FHDC1: variants seen among roughly 807,000 people sequenced by gnomAD.
FHDC1 encodes FH2 domain-containing protein 1.
FHDC1 carries 25 observed loss-of-function variants against 52.6 expected under a neutral mutation model. The ratio of observed to expected loss-of-function variants is 0.48; its 90% CI spans 0.35 to 0.66. The LOEUF (loss-of-function observed/expected upper bound fraction) is 0.66, where lower values mean the gene tolerates loss of function less well. Among genes scored for constraint, FHDC1 ranks in the 30% least tolerant of loss-of-function variants. The probability of loss-of-function intolerance (pLI) is 0.01; values close to 1 mark genes in which losing one functional copy is unlikely to be tolerated. For synonymous variants in FHDC1, 616 were observed against 581.5 expected, an observed-to-expected ratio of 1.06 and a Z score of -0.85; for missense variants, 1,459 against 1,452.8, an observed-to-expected ratio of 1.00 and a Z score of -0.07.
intron 9 of FHDC1, 118 bp downstream of exon 9, chr4:152,965,093 A>G: frequency 2.1e-6 from 2 of 950,266 alleles, no homozygotes; most frequent in South Asian, 3.5e-5. Flanking sequence ...TTGAACTTTC[A>G]GACTGTCCTT....
At position 152,943,332 on chromosome 4, in the gene FHDC1, G is replaced by A. The variant is rs776800177; in HGVS notation, c.275G>A (p.Gly92Asp). 1 of 1,612,902 alleles carries A rather than the reference G, an allele frequency of 6.2e-7. No individual in the cohort carries two copies. Among genetic ancestry groups the A allele is most frequent in the Admixed American group, 1.7e-5 (1 of 59,818 alleles). Residue 92 changes from glycine to aspartate, a missense_variant, in exon 2 of 12, where the codon GGT (glycine) becomes GAT (aspartate). Physicochemically the swap from Gly to Asp is moderately conservative, Grantham distance 94 (BLOSUM62 -1). This residue lies in a region of FHDC1 where 513 missense variants were observed against 581.5 expected (regional missense o/e 0.88). Transcript: ENST00000511601. ...CACATGAACGGCTACAGCCACCTTG[G>A]TAAGAAAAAGCGGATGAGAAGCTTT... Reference protein sequence around the residue: ...TTHMNGYSHLGKKKRMRSFFW... With the variant: ...TTHMNGYSHLDKKKRMRSFFW...
intron 2 of FHDC1, 36 bp from the exon 3 acceptor site, chr4:152,953,462 AT>A: frequency 6.5e-7 from 1 of 1,535,456 alleles, no homozygotes; most frequent in Non-Finnish European, 8.9e-7. Flanking sequence ...TTTTATTTGA[AT>A]TTAGTAATCC....
At chr4:152,938,685 C>CCGG (rs1164632774) in intron 1 of FHDC1, among the ~76,000 whole-genome samples, 2 of 152,332 alleles carry the variant, frequency 1.3e-5, no homozygotes, top group African/African-American at 4.8e-5. Flanking sequence ...GCCAGCCCTT[C>CCGG]CTGCCCCCAC....
chr4:152,975,985 G>GT lies in FHDC1; in HGVS notation c.2694_2695insT (p.Asn899Ter). 1 of 1,525,446 alleles carries GT rather than the reference G, an allele frequency of 6.6e-7. No individual in the cohort carries two copies. The highest frequency in any genetic ancestry group is 8.8e-7 in the Non-Finnish European group (1 of 1,138,916). The allele number at this position is 1,525,446 out of a possible 1,614,324, so 94.5% of individuals were successfully genotyped here. A position where few individuals can be genotyped will look rare whatever the true frequency, so the allele number is the denominator to read the frequency against. On this transcript the variant is annotated frameshift_variant, in exon 12 of 12. Coordinates refer to ENST00000511601, the MANE Select transcript of FHDC1 (RefSeq NM_001371116.1). LOFTEE classifies it low-confidence loss of function (END_TRUNC). ...CTGTGCGGACCCTGACCGCCTCAGAGAACGAGAGCATGCGCAAGGTCATGC... is the reference window on the plus strand; with the variant it reads ...CTGTGCGGACCCTGACCGCCTCAGAGTAACGAGAGCATGCGCAAGGTCATGC...
At chr4:152,921,819 G>A in the FHDC1 span, among the ~76,000 whole-genome samples, 6 of 151,944 alleles carry the variant, frequency 3.9e-5, no homozygotes, top group African/African-American at 9.7e-5. Context: ...AATAAATTTC[G>A]ACACAACATA....
At chr4:152,928,489 T>A in the FHDC1 span, among the ~76,000 whole-genome samples, 1 of 152,208 alleles carries the variant, frequency 6.6e-6, no homozygotes, top group Non-Finnish European at 1.5e-5. Context: ...GAAGTTCTAC[T>A]AAAAATGCCC....
At chr4:152,937,114 G>T (rs994896434) in intron 1 of FHDC1, among the ~76,000 whole-genome samples, 7 of 152,212 alleles carry the variant, frequency 4.6e-5, no homozygotes, top group African/African-American at 1.7e-4. Flanking sequence ...TGGAGAGCGG[G>T]TTCTGACCGG....
intron 4 of FHDC1, among the ~76,000 whole-genome samples, chr4:152,960,206 T>C (rs1350687600): frequency 1.3e-5 from 2 of 152,228 alleles, no homozygotes; most frequent in Non-Finnish European, 2.9e-5. Context: ...AATGATCTCA[T>C]TTCCAGATTA....
chr4:152,975,920 C>T lies in FHDC1; in HGVS notation c.2629C>T (p.Pro877Ser). 1 of 1,514,280 alleles carries T rather than the reference C, an allele frequency of 6.6e-7. No individual in the cohort carries two copies. Among genetic ancestry groups the T allele is most frequent in the Non-Finnish European group, 8.8e-7 (1 of 1,133,764 alleles). The allele number at this position is 1,514,280 out of a possible 1,614,324, so 93.8% of individuals were successfully genotyped here. Reference protein sequence around the residue: ...LKEASPGASKPGSARRSQGAV... With the variant: ...LKEASPGASKSGSARRSQGAV... ...AGAGGCGTCTCCCGGGGCCTCCAAG[C>T]CCGGGAGCGCCCGGCGGAGCCAGGG... The change falls in exon 12 of 12, where the codon CCC (proline) becomes TCC (serine). Residue 877 changes from proline to serine, a missense_variant. Transcript: ENST00000511601.
chr4:152,924,197 A>G, the FHDC1 span, among the ~76,000 whole-genome samples: 1 of 152,234 alleles, frequency 6.6e-6, no homozygotes, highest in Non-Finnish European at 1.5e-5. Context: ...AAAGTGGGCC[A>G]AGGACATGAA....
chr4:152,930,841 G>T, the FHDC1 span, among the ~76,000 whole-genome samples: 1 of 152,044 alleles, frequency 6.6e-6, no homozygotes, highest in South Asian at 2.1e-4. Flanking sequence ...GCACACACTC[G>T]ATTTCCAAGG....
At chr4:152,939,011 CTG>C in intron 1 of FHDC1, among the ~76,000 whole-genome samples, 1 of 152,342 alleles carries the variant, frequency 6.6e-6, no homozygotes, top group African/African-American at 2.4e-5. Flanking sequence ...CTTAAATACA[CTG>C]TGAGATGAAG....
In FHDC1 at chr4:152,977,596, C is replaced by G. The variant is rs1740938768; in HGVS notation, c.*873C>G. 6.6e-6 allele frequency: 1 copy of G among 152,122 alleles called. No homozygotes were observed. The highest frequency in any genetic ancestry group is 2.1e-4 in the South Asian group (1 of 4,806). The allele number at this position is 152,122 out of a possible 1,614,324, so 9.4% of individuals were successfully genotyped here. Reference sequence around the variant, plus strand: ...GAGCTGGGACTACAGGCGTGCACCACCACGCCTGGTTAATTGTTTTTTTTT... The same window carrying G: ...GAGCTGGGACTACAGGCGTGCACCAGCACGCCTGGTTAATTGTTTTTTTTT... On this transcript the variant is annotated 3_prime_UTR_variant, in exon 12 of 12. Transcript: ENST00000511601.
rs532600262 is a variant in FHDC1 at position 152,962,458 on chromosome 4, A to T, written c.851-356A>T. On this transcript the variant is annotated intron_variant, in intron 6 of 11. Transcript: ENST00000511601. ...ATACTCAAAGAGTAGTGGATATACA[A>T]GGAAAAATTAAATAACTGCTGAGAA... Among the ~76,000 whole-genome samples, 3 of 152,356 alleles carry T rather than the reference A, an allele frequency of 2.0e-5. No individual in the cohort carries two copies. In the South Asian group the frequency reaches 6.2e-4, roughly 32 times the overall value.
At chr4:152,968,293 A>ATT (rs11410287) in intron 10 of FHDC1, among the ~76,000 whole-genome samples, 196 bp downstream of exon 10, 4 of 144,914 alleles carry the variant, frequency 2.8e-5, no homozygotes, top group Non-Finnish European at 6.1e-5. Flanking sequence ...AGCCTGATAT[A>ATT]TTTTTTTTTT....
intron 10 of FHDC1, 151 bp downstream of exon 10, chr4:152,968,248 G>T: frequency 1.7e-6 from 1 of 598,370 alleles, no homozygotes. Context: ...GTATTTCCAT[G>T]CCCATTCTTT....
the FHDC1 span, among the ~76,000 whole-genome samples, chr4:152,913,477 T>C: frequency 6.6e-6 from 1 of 152,248 alleles, no homozygotes; most frequent in Non-Finnish European, 1.5e-5. Context: ...TCACTGGAGA[T>C]GACTGTAGTT....
chr4:152,949,928 A>G (rs1329777235), intron 2 of FHDC1, among the ~76,000 whole-genome samples: 1 of 152,228 alleles, frequency 6.6e-6, no homozygotes, highest in Non-Finnish European at 1.5e-5. Context: ...ACTCTGCAGT[A>G]TGCTGACTGT....
chr4:152,946,805 C>T (rs1192317827), intron 2 of FHDC1, among the ~76,000 whole-genome samples: 1 of 152,204 alleles, frequency 6.6e-6, no homozygotes, highest in Non-Finnish European at 1.5e-5. Flanking sequence ...TTGGCTTATA[C>T]TTTAAAGCCT....
Sources: gnomAD v4.1 joint callset for allele counts (sites outside exome capture counted in the v4.1 genomes callset) on GRCh38, gnomAD v4.1.1 for gene constraint, gnomAD v4.1.1 regional missense constraint, MANE v1.5 for transcripts, NCBI Gene and HGNC (gene_info 2026-07-23, HGNC 2026-07-21) for gene names.